HERC2: variants seen among roughly 807,000 people sequenced by gnomAD.
The protein encoded by HERC2 is HECT and RLD domain containing E3 ubiquitin protein ligase 2, also known as E3 ubiquitin-protein ligase HERC2.
In HERC2, 102 loss-of-function variants were observed where a neutral mutation model predicts 537.7. That is an observed-to-expected ratio of 0.19 (90% CI 0.16 to 0.22). The LOEUF (loss-of-function observed/expected upper bound fraction) is 0.22, where lower values mean the gene tolerates loss of function less well. Ranked by LOEUF, HERC2 falls within the 10% of genes least tolerant of loss-of-function variation. The pLI, the probability that HERC2 is intolerant of heterozygous loss-of-function variation, is 1.00. For missense variants in HERC2, 4,236 were observed against 6,198.2 expected (o/e 0.68, Z 10.63); for synonymous variants, 2,224 against 2,466.2 (o/e 0.90, Z 2.91).
chr15:28,238,800 C>A, intron 23 of HERC2, 28 bp from the exon 24 acceptor site: 1 of 1,516,598 alleles, frequency 6.6e-7, no homozygotes, highest in Non-Finnish European at 9.1e-7. Context: ...AGAATCAGTC[C>A]ATTGATCAAT....
In HERC2 at chr15:28,188,308, C is replaced by T. The variant is rs532373265; in HGVS notation, c.8650-1556G>A. On this transcript the variant is annotated intron_variant, in intron 55 of 92. Transcript: ENST00000261609. ...CTGTAATCCCAGCACTTTGGGAGGC[C>T]GAGGCAGGTGGATCACGAAGTCAGG... Among the ~76,000 whole-genome samples the T allele has an allele frequency of 3.3e-5, 5 of 152,098 alleles. No individual in the cohort carries two copies. The East Asian group carries it at 9.7e-4, about 29-fold the overall frequency.
chr15:28,268,395 G>T lies in HERC2; in HGVS notation c.1598+70C>A. The T allele has an allele frequency of 2.1e-6, 3 of 1,448,086 alleles. No homozygotes were observed. Among genetic ancestry groups the T allele is most frequent in the Non-Finnish European group, 2.9e-6 (3 of 1,047,612 alleles). The allele number at this position is 1,448,086 out of a possible 1,614,324, so 89.7% of individuals were successfully genotyped here. A position where few individuals can be genotyped will look rare whatever the true frequency, so the allele number is the denominator to read the frequency against. On this transcript the variant is annotated intron_variant, in intron 12 of 92. Transcript: ENST00000261609. The surrounding 1 kb of genome is among the most constrained non-coding windows in gnomAD (Gnocchi z 4.7). ...GGAAAACACCTGGACACACTTCTGC[G>T]CTCCATCCTGTTTAGGATATGGCAA...
Position 28,228,387 on chromosome 15 carries a change from T to G in HERC2, c.5295A>C (p.Gln1765His), listed in dbSNP as rs1373497842. The G allele has an allele frequency of 6.2e-7, 1 of 1,612,040 alleles. No individual in the cohort carries two copies. The highest frequency in any genetic ancestry group is 1.1e-5 in the South Asian group (1 of 90,992). Reference sequence around the variant, plus strand: ...CTGACGGGTTCTCATTGGTGATGGTTTGCAGGGGAACCGGCTGGATACCTA... The same window carrying G: ...CTGACGGGTTCTCATTGGTGATGGTGTGCAGGGGAACCGGCTGGATACCTA... ...KELGIQPVPL[Q>H]TITNENPSGP... The change falls in exon 35 of 93, where the codon CAA (glutamine) becomes CAC (histidine). Residue 1765 changes from glutamine to histidine, a missense_variant. Gln to His is a conservative substitution (Grantham distance 24, BLOSUM62 0). Coordinates refer to ENST00000261609, the MANE Select transcript of HERC2 (RefSeq NM_004667.6).
chr15:28,141,401 T>C (rs767153938), intron 78 of HERC2, 31 bp downstream of exon 78: 2 of 1,605,678 alleles, frequency 1.2e-6, no homozygotes, highest in Non-Finnish European at 8.5e-7. Flanking sequence ...TCAGGCTCAA[T>C]GACCTTGTGA....
chr15:28,128,371 A>C (rs1031456035), intron 83 of HERC2, among the ~76,000 whole-genome samples: 2 of 152,186 alleles, frequency 1.3e-5, no homozygotes, highest in African/African-American at 4.8e-5. Context: ...CAGGACAGCA[A>C]CTCACTCTCA....
chr15:28,160,764 CA>C (rs1260419570), intron 69 of HERC2, among the ~76,000 whole-genome samples: 1 of 152,210 alleles, frequency 6.6e-6, no homozygotes, highest in African/African-American at 2.4e-5. Context: ...CGACAAGCCC[CA>C]GTGAGATGAA....
At chr15:28,120,150 A>G (rs1382752478) in intron 86 of HERC2, among the ~76,000 whole-genome samples, 1 of 152,230 alleles carries the variant, frequency 6.6e-6, no homozygotes, top group Non-Finnish European at 1.5e-5. Context: ...AGGTAGGGAA[A>G]TAAAAGCTTT....
At position 28,167,792 on chromosome 15, in the gene HERC2, T is replaced by A; in HGVS notation, c.10449A>T (p.Ala3483=). 1 of 1,614,172 alleles carries A rather than the reference T, an allele frequency of 6.2e-7. No homozygotes were observed. Among genetic ancestry groups the A allele is most frequent in the Non-Finnish European group, 8.5e-7 (1 of 1,180,030 alleles). The change falls in exon 68 of 93, where the codon GCA becomes GCT. Residue 3483 remains alanine, a synonymous_variant. Coordinates refer to ENST00000261609, the MANE Select transcript of HERC2 (RefSeq NM_004667.6). Reference sequence around the variant, plus strand: ...AGGCTGAGGGGGCCGACGGAGTCACTGCAGAGGGGGTCACTGCGTCCTCAG... The same window carrying A: ...AGGCTGAGGGGGCCGACGGAGTCACAGCAGAGGGGGTCACTGCGTCCTCAG... ...VSSEDAVTPS[A]VTPSAPSASA...
At chr15:28,207,859 A>C (rs1898652758) in intron 44 of HERC2, among the ~76,000 whole-genome samples, 1 of 151,972 alleles carries the variant, frequency 6.6e-6, no homozygotes, top group Non-Finnish European at 1.5e-5. Flanking sequence ...CTGCCATTGC[A>C]GAGCAAAAGC....
chr15:28,140,535 G>T (rs1375917857), intron 78 of HERC2, among the ~76,000 whole-genome samples: 1 of 151,636 alleles, frequency 6.6e-6, no homozygotes, highest in Non-Finnish European at 1.5e-5. Context: ...CTTTTTTTGG[G>T]GGCGGAGACA....
Position 28,163,262 on chromosome 15 carries a change from T to C in HERC2, c.10578A>G (p.Ala3526=), listed in dbSNP as rs370861431. 43 of 1,613,284 alleles carry C rather than the reference T, an allele frequency of 2.7e-5. No individual in the cohort carries two copies. Among genetic ancestry groups the C allele is most frequent in the Non-Finnish European group, 3.4e-5 (40 of 1,179,990 alleles). Residue 3526 remains alanine (A), a synonymous_variant, in exon 69 of 93, where the codon GCA becomes GCG. Transcript: ENST00000261609. ...CCAAGGCCTGAGGCTCCGGACCTGC[T>C]GCTTTATTTTGGCTTTCAACATCCT... is the stretch of plus-strand genomic sequence containing the variant. ...TKEDVESQNK[A]AGPEPQALDE...
In HERC2 at chr15:28,176,926, A is replaced by G; in HGVS notation, c.9432+24T>C. On this transcript the variant is annotated intron_variant, in intron 61 of 92. Transcript: ENST00000261609. The surrounding 1 kb of genome is among the most constrained non-coding windows in gnomAD (Gnocchi z 5.0). ...ATCTTCAGATGGTAAGCTTTCTGCAAGCAACAAAAATGCGTATAATCACCA... is the reference window on the plus strand; with the variant it reads ...ATCTTCAGATGGTAAGCTTTCTGCAGGCAACAAAAATGCGTATAATCACCA... 1 of 1,601,438 alleles carries G rather than the reference A, an allele frequency of 6.2e-7. No homozygotes were observed. The highest frequency in any genetic ancestry group is 1.7e-5 in the Admixed American group (1 of 59,348).
At chr15:28,178,306 T>C (rs1285260707) in intron 59 of HERC2, among the ~76,000 whole-genome samples, 1 of 152,212 alleles carries the variant, frequency 6.6e-6, no homozygotes, top group East Asian at 1.9e-4. Context: ...GGGCGAGAGC[T>C]AGTCTAAGAC....
At chr15:28,282,335 A>G (rs931264359) in intron 4 of HERC2, among the ~76,000 whole-genome samples, 38 of 152,348 alleles carry the variant, frequency 2.5e-4, no homozygotes, top group African/African-American at 9.1e-4. Flanking sequence ...CAAATTTTAA[A>G]CAGTTATAGA....
Position 28,248,688 on chromosome 15 carries a change from C to G in HERC2, c.3099G>C (p.Arg1033=), listed in dbSNP as rs1903960535. Residue 1033 remains arginine (R), a synonymous_variant, in exon 21 of 93, where the codon CGG becomes CGC. Transcript: ENST00000261609. ...TVARLKDVAR[R]ISSCLDFEQH... Reference sequence around the variant, plus strand: ...GCTCAAAGTCCAGACATGATGAAATCCGACGGGCAACATCTTTCAATCTGG... The same window carrying G: ...GCTCAAAGTCCAGACATGATGAAATGCGACGGGCAACATCTTTCAATCTGG... 3.1e-6 allele frequency: 5 copies of G among 1,613,992 alleles called. No homozygotes were observed. The highest frequency in any genetic ancestry group is 3.4e-6 in the Non-Finnish European group (4 of 1,179,976).
At chr15:28,192,616 G>A (rs1371913216) in intron 52 of HERC2, among the ~76,000 whole-genome samples, 3 of 152,104 alleles carry the variant, frequency 2.0e-5, no homozygotes, top group Non-Finnish European at 2.9e-5. Context: ...AATTCTCTTC[G>A]AACTATCAGA....
intron 2 of HERC2, among the ~76,000 whole-genome samples, chr15:28,314,657 C>A (rs1359208515): frequency 1.3e-5 from 2 of 151,926 alleles, no homozygotes; most frequent in Non-Finnish European, 1.5e-5. Context: ...GAGTTCAAGA[C>A]CAGCCTGGCC....
intron 9 of HERC2, 118 bp downstream of exon 9, chr15:28,272,097 A>C: frequency 1.1e-6 from 1 of 918,380 alleles, no homozygotes; most frequent in Non-Finnish European, 1.6e-6. Flanking sequence ...CGCTGCTATT[A>C]CCACCAAACA....
intron 30 of HERC2, among the ~76,000 whole-genome samples, chr15:28,231,058 A>G (rs1380086606): frequency 1.3e-5 from 2 of 152,174 alleles, no homozygotes; most frequent in Admixed American, 6.5e-5. Context: ...ACCCTGGTCC[A>G]GTTCAGTGGT....
Sources: gnomAD v4.1 joint callset for allele counts (sites outside exome capture counted in the v4.1 genomes callset) on GRCh38, gnomAD v4.1.1 for gene constraint, Gnocchi (gnomAD v3.1) non-coding constraint, MANE v1.5 for transcripts, NCBI Gene and HGNC (gene_info 2026-07-23, HGNC 2026-07-21) for gene names.